The following PRSS41 variants were observed in gnomAD, a reference collection of about 807,000 sequenced individuals.
PRSS41 encodes protease, serine 41.
Under a neutral mutation model 28.8 loss-of-function variants are expected in PRSS41, and 37 were observed. The observed-to-expected ratio is 1.29, with a 90% CI of 0.99 to 1.69. The LOEUF (loss-of-function observed/expected upper bound fraction) is 1.69. Ranked by LOEUF, PRSS41 falls within the 40% of genes most tolerant of loss-of-function variation. The pLI is 0.00. For synonymous variants in PRSS41, 195 were observed against 163.1 expected (o/e 1.20, Z -1.49); for missense variants, 431 against 400.7 (o/e 1.08, Z -0.65).
At chr16:2,804,362 T>C (rs1271858252) in intron 4 of PRSS41, 27 bp from the exon 5 acceptor site, 2 of 1,549,872 alleles carry the variant, frequency 1.3e-6, no homozygotes, top group South Asian at 2.4e-5. Context: ...AGGTGAAGGG[T>C]GCTGTCCTTT....
chr16:2,799,065 A>G, exon 3 of PRSS41: 1 of 1,533,950 alleles, frequency 6.5e-7, no homozygotes, highest in Non-Finnish European at 8.7e-7. Flanking sequence ...GACGCCACCG[A>G]TGTGGAGGGA....
intron 5 of PRSS41, among the ~76,000 whole-genome samples, 153 bp from the exon 6 acceptor site, chr16:2,804,761 C>T (rs1053504092): frequency 1.3e-5 from 2 of 152,202 alleles, no homozygotes; most frequent in Non-Finnish European, 2.9e-5. Context: ...GGCTGTTGCC[C>T]CACTTTGAAA....
At position 2,805,039 on chromosome 16, in the gene PRSS41, C is replaced by G; in HGVS notation, c.825C>G (p.Tyr275Ter). 6.4e-7 allele frequency: 1 copy of G among 1,558,038 alleles called. No individual in the cohort carries two copies. Reference sequence around the variant, plus strand: ...GTGTCTACACCAACATCAGTGTGTACTTCCACTGGATCCGGAGGGTGATGT... The same window carrying G: ...GTGTCTACACCAACATCAGTGTGTAGTTCCACTGGATCCGGAGGGTGATGT... Residue 275 changes from tyrosine (Y) to a stop codon, truncating the protein, a stop_gained, in exon 6 of 6, where the codon TAC becomes TAG. Coordinates refer to ENST00000399677, the Ensembl canonical transcript of PRSS41. LOFTEE classifies it low-confidence loss of function (END_TRUNC).
intron 2 of PRSS41, 50 bp downstream of exon 2, chr16:2,798,712 G>T: frequency 7.1e-7 from 1 of 1,401,464 alleles, no homozygotes; most frequent in South Asian, 1.5e-5. Context: ...GGGCCGGGGT[G>T]CACGGGGGCC....
At chr16:2,804,473 C>G (rs755917841) in exon 5 of PRSS41, 3 of 1,551,462 alleles carry the variant, frequency 1.9e-6, no homozygotes, top group Non-Finnish European at 1.7e-6. Flanking sequence ...TTTGAACAGC[C>G]CTCTAGCCGT....
exon 6 of PRSS41, chr16:2,805,237 G>A: frequency 3.5e-6 from 3 of 852,388 alleles, no homozygotes; most frequent in South Asian, 3.4e-5. Flanking sequence ...ACAGGGTTGG[G>A]ACTGCCTGCT....
exon 4 of PRSS41, chr16:2,799,494 G>C: frequency 1.3e-6 from 2 of 1,552,028 alleles, no homozygotes; most frequent in East Asian, 2.4e-5. Flanking sequence ...CATTTGCATC[G>C]AGTCTTCCAC....
chr16:2,798,714 AC>A, intron 2 of PRSS41, 52 bp downstream of exon 2: 1 of 1,395,508 alleles, frequency 7.2e-7, no homozygotes, highest in Non-Finnish European at 9.3e-7. Flanking sequence ...GCCGGGGTGC[AC>A]GGGGGCCCAT....
At chr16:2,801,212 A>G (rs968329652) in intron 4 of PRSS41, among the ~76,000 whole-genome samples, 1 of 152,192 alleles carries the variant, frequency 6.6e-6, no homozygotes, top group East Asian at 1.9e-4. Context: ...TCTCCCACCA[A>G]TTCTGTCAAT....
Position 2,798,663 on chromosome 16 carries a change from G to T in PRSS41, c.91+1G>T. ...TCGCAGGAGGAGGAGCTGTTGTCAG[G>T]TAGGGCGCCCAGGACGCGCGATGCC... On this transcript the variant is annotated splice_donor_variant, in intron 2 of 5. Transcript: ENST00000399677. LOFTEE classifies it high-confidence loss of function. 1 of 1,473,998 alleles carries T rather than the reference G, an allele frequency of 6.8e-7. No individual in the cohort carries two copies. The highest frequency in any genetic ancestry group is 1.3e-5 in the South Asian group (1 of 77,634). 91.3% of individuals were successfully genotyped at this position (1,473,998 alleles called of 1,614,324 possible).
exon 3 of PRSS41, chr16:2,799,081 C>T (rs1178538776): frequency 6.5e-7 from 1 of 1,533,350 alleles, no homozygotes; most frequent in South Asian, 1.2e-5. Context: ...AGGGAGCCTG[C>T]TCAGCCGCCG....
intron 2 of PRSS41, 64 bp from the exon 3 acceptor site, chr16:2,798,895 G>T: frequency 6.9e-7 from 1 of 1,449,494 alleles, no homozygotes; most frequent in Non-Finnish European, 9.0e-7. Context: ...GCAAAGCCGG[G>T]CAGGGCGGGC....
chr16:2,798,607 C>G, intron 1 of PRSS41, 29 bp from the exon 2 acceptor site: 1 of 1,521,958 alleles, frequency 6.6e-7, no homozygotes, highest in Non-Finnish European at 8.8e-7. Flanking sequence ...GAGGTGGAGG[C>G]CGCGAGGGTC....
chr16:2,801,677 G>C (rs980862721), intron 4 of PRSS41, among the ~76,000 whole-genome samples: 1 of 151,418 alleles, frequency 6.6e-6, no homozygotes, highest in Non-Finnish European at 1.5e-5. Context: ...AGATCAACAG[G>C]ATCCCAAGGC....
At chr16:2,804,880 G>A in intron 5 of PRSS41, 34 bp from the exon 6 acceptor site, 1 of 1,535,212 alleles carries the variant, frequency 6.5e-7, no homozygotes, top group Non-Finnish European at 8.9e-7. Flanking sequence ...CACCCACTCT[G>A]CCCCAGCCTG....
intron 4 of PRSS41, among the ~76,000 whole-genome samples, chr16:2,802,914 C>G (rs1243901811): frequency 6.6e-6 from 1 of 152,086 alleles, no homozygotes; most frequent in African/African-American, 2.4e-5. Flanking sequence ...ACTCTTATAA[C>G]AAGTTTGTAT....
At chr16:2,804,506 T>A (rs61747737) in exon 5 of PRSS41, 3 of 1,551,294 alleles carry the variant, frequency 1.9e-6, no homozygotes, top group Non-Finnish European at 2.6e-6. Context: ...GATTCCATGT[T>A]TTGTGCTGGT....
chr16:2,798,891 C>CCGGGCAGGG (rs1417222919), intron 2 of PRSS41, 68 bp from the exon 3 acceptor site: 2 of 1,443,132 alleles, frequency 1.4e-6, no homozygotes, highest in African/African-American at 1.5e-5. Context: ...CGGGGCAAAG[C>CCGGGCAGGG]CGGGCAGGGC....
At chr16:2,799,015 C>G in exon 3 of PRSS41, 3 of 1,532,528 alleles carry the variant, frequency 2.0e-6, no homozygotes, top group Non-Finnish European at 2.6e-6. Flanking sequence ...GGAGTCCGCG[C>G]GCGGGCGCTG....
Sources: gnomAD v4.1 joint callset for allele counts (sites outside exome capture counted in the v4.1 genomes callset) on GRCh38, gnomAD v4.1.1 for gene constraint, MANE v1.5 for transcripts, NCBI Gene and HGNC (gene_info 2026-07-23, HGNC 2026-07-21) for gene names.